The following MARK3 variants were observed in gnomAD, a reference collection of about 807,000 sequenced individuals.
MARK3 encodes microtubule affinity regulating kinase 3, also known as MAP/microtubule affinity-regulating kinase 3.
In MARK3, 46 loss-of-function variants were observed where a neutral mutation model predicts 90.1. That is an observed-to-expected ratio of 0.51 (90% confidence interval 0.40 to 0.65). The LOEUF (loss-of-function observed/expected upper bound fraction) is 0.65, where lower values mean the gene tolerates loss of function less well. Among genes scored for constraint, MARK3 ranks in the 30% least tolerant of loss-of-function variants. The pLI, the probability that MARK3 is intolerant of heterozygous loss-of-function variation, is 0.00. For synonymous variants in MARK3, 321 were observed against 332.6 expected, an observed-to-expected ratio of 0.97 and a Z score of 0.38; for missense variants, 818 against 947.2, an observed-to-expected ratio of 0.86 and a Z score of 1.79.
At chr14:103,395,812 G>GGA (rs1283662685) in intron 1 of MARK3, among the ~76,000 whole-genome samples, 2 of 152,130 alleles carry the variant, frequency 1.3e-5, no homozygotes, top group African/African-American at 2.4e-5. Flanking sequence ...ACTCCGATTT[G>GGA]GAGAGAGAGA....
intron 3 of MARK3, among the ~76,000 whole-genome samples, chr14:103,439,330 G>C (rs552380447): frequency 6.6e-6 from 1 of 152,018 alleles, no homozygotes; most frequent in Non-Finnish European, 1.5e-5. Context: ...TTCTTGCTTT[G>C]TCCGTGTAAT....
chr14:103,449,666 C>G (rs547517085), intron 4 of MARK3, among the ~76,000 whole-genome samples: 1 of 152,212 alleles, frequency 6.6e-6, no homozygotes, highest in South Asian at 2.1e-4. Flanking sequence ...GCGACATGGT[C>G]CTACCCTTAG....
At chr14:103,482,749 C>T (rs965541493) in intron 14 of MARK3, among the ~76,000 whole-genome samples, 11 of 152,056 alleles carry the variant, frequency 7.2e-5, no homozygotes, top group African/African-American at 1.9e-4. Flanking sequence ...TAAAATTTTT[C>T]GTTTCACTCT....
intron 1 of MARK3, among the ~76,000 whole-genome samples, chr14:103,402,510 C>T (rs1209163279): frequency 6.6e-6 from 1 of 151,166 alleles, no homozygotes; most frequent in Non-Finnish European, 1.5e-5. Context: ...TGAGATTGCG[C>T]CACTGCACTC....
chr14:103,457,659 G>A (rs1445541743), intron 6 of MARK3, among the ~76,000 whole-genome samples: 8 of 152,130 alleles, frequency 5.3e-5, no homozygotes, highest in Admixed American at 5.2e-4. Context: ...GCTTTTTAAA[G>A]AGACTCGGGT....
Position 103,474,899 on chromosome 14 carries a change from G to A in MARK3, c.1265-94G>A, listed in dbSNP as rs556345976. 3.4e-4 allele frequency: 321 copies of A among 943,824 alleles called. No individual in the cohort carries two copies. In the African/African-American group the frequency reaches 4.2e-3, roughly 12 times the overall value. 58.5% of individuals were successfully genotyped at this position (943,824 alleles called of 1,614,324 possible). A position where few individuals can be genotyped will look rare whatever the true frequency, so the allele number is the denominator to read the frequency against. ...CTGTTTTACATTTTTTAGGTGAATA[G>A]CAACCTTAGATCATCTTACAAAATA... On this transcript the variant is annotated intron_variant, in intron 12 of 17. Transcript: ENST00000429436.
chr14:103,430,521 T>G (rs1408819416), intron 3 of MARK3, among the ~76,000 whole-genome samples: 1 of 152,288 alleles, frequency 6.6e-6, no homozygotes, highest in East Asian at 1.9e-4. Flanking sequence ...CTCTCTTAGA[T>G]AGTGATTTAA....
intron 13 of MARK3, 97 bp downstream of exon 13, chr14:103,475,307 G>C (rs2093695680): frequency 2.1e-6 from 2 of 972,410 alleles, no homozygotes; most frequent in East Asian, 5.0e-5. Flanking sequence ...TCTCGTACTG[G>C]AATGCCCTCT....
chr14:103,498,730 A>T (rs2075486127), intron 16 of MARK3: 1 of 362,344 alleles, frequency 2.8e-6, no homozygotes, highest in Non-Finnish European at 4.7e-6. Flanking sequence ...TATGGTACCC[A>T]TGCAACAAAA....
At chr14:103,414,781 G>C (rs1463909809) in intron 2 of MARK3, among the ~76,000 whole-genome samples, 1 of 152,138 alleles carries the variant, frequency 6.6e-6, no homozygotes, top group African/African-American at 2.4e-5. Flanking sequence ...TCTGAAAGAA[G>C]GGAGTAGGGA....
In MARK3 at chr14:103,400,900, A is replaced by G. The variant is rs911525937; in HGVS notation, c.52-4176A>G. On this transcript the variant is annotated intron_variant, in intron 1 of 17. Transcript: ENST00000429436. ...GGCAACAGAACGAGACCCTGTCTCA[A>G]AAAAAAAAAAAAAAAAAAGTTATCA... Among the ~76,000 whole-genome samples, 22 of 139,176 alleles carry G rather than the reference A, an allele frequency of 1.6e-4. No homozygotes were observed. In the East Asian group the frequency reaches 4.2e-3, roughly 26 times the overall value. 91.3% of individuals were successfully genotyped at this position (139,176 alleles called of 152,430 possible).
intron 2 of MARK3, among the ~76,000 whole-genome samples, chr14:103,415,361 T>C (rs1387573917): frequency 2.0e-5 from 3 of 152,116 alleles, no homozygotes; most frequent in Non-Finnish European, 2.9e-5. Flanking sequence ...AGGATGACCA[T>C]GAACCAATCA....
intron 1 of MARK3, among the ~76,000 whole-genome samples, chr14:103,400,307 G>A (rs2090875387): frequency 6.6e-6 from 1 of 152,100 alleles, no homozygotes. Context: ...TAACTAATGA[G>A]AACTGGCCAG....
chr14:103,407,556 T>TTTC (rs1454040849), intron 2 of MARK3, among the ~76,000 whole-genome samples: 1 of 121,410 alleles, frequency 8.2e-6, no homozygotes, highest in East Asian at 2.4e-4. Flanking sequence ...TTTTGCCTCT[T>TTTC]TTTTTTTTTT....
chr14:103,458,437 T>A (rs2093323738), intron 6 of MARK3, among the ~76,000 whole-genome samples: 1 of 112,976 alleles, frequency 8.9e-6, no homozygotes, highest in African/African-American at 3.5e-5. Flanking sequence ...TCAGCCTGGG[T>A]GACAGAGACT....
At chr14:103,470,455 A>T (rs866660271) in intron 12 of MARK3, among the ~76,000 whole-genome samples, 4,808 of 54,962 alleles carry the variant, frequency 0.087, 261 homozygotes, top group Non-Finnish European at 0.12. Flanking sequence ...AACTAAATCT[A>T]TTTTTTTTTT....
chr14:103,414,087 G>A (rs1351785346), intron 2 of MARK3, among the ~76,000 whole-genome samples: 1 of 152,070 alleles, frequency 6.6e-6, no homozygotes, highest in Non-Finnish European at 1.5e-5. Context: ...TAAGTGAATT[G>A]TTAACTAGAA....
In MARK3 at chr14:103,405,066, T is replaced by C. The variant is rs2140680132; in HGVS notation, c.52-10T>C. The C allele has an allele frequency of 1.2e-6, 2 of 1,610,720 alleles. No individual in the cohort carries two copies. The highest frequency in any genetic ancestry group is 2.2e-5 in the East Asian group (1 of 44,740). The stretch of plus-strand genomic sequence containing the variant: ...CTCATTTCCTTATCTTTGTGTATGC[T>C]GTATTGCAGCACACGTCACATGGAG... On this transcript the variant is annotated splice_polypyrimidine_tract_variant and intron_variant, in intron 1 of 17. Coordinates refer to ENST00000429436, the MANE Select transcript of MARK3 (RefSeq NM_001128918.3).
At chr14:103,408,354 A>T (rs1387325053) in intron 2 of MARK3, among the ~76,000 whole-genome samples, 3 of 151,936 alleles carry the variant, frequency 2.0e-5, no homozygotes, top group Non-Finnish European at 4.4e-5. Flanking sequence ...CACCCAGCGA[A>T]TTTTTTGTAT....
Sources: gnomAD v4.1 joint callset for allele counts (sites outside exome capture counted in the v4.1 genomes callset) on GRCh38, gnomAD v4.1.1 for gene constraint, MANE v1.5 for transcripts, NCBI Gene and HGNC (gene_info 2026-07-23, HGNC 2026-07-21) for gene names.